Variants in POLE2 observed in about 807,000 individuals in gnomAD.
POLE2 encodes DNA polymerase epsilon 2, accessory subunit.
Under a neutral mutation model 79.4 loss-of-function variants are expected in POLE2, and 56 were observed. That is an observed-to-expected ratio of 0.71 (90% CI 0.57 to 0.88). POLE2 has a LOEUF of 0.88. Ranked by LOEUF, POLE2 falls within the 40% of genes least tolerant of loss-of-function variation. POLE2 has a pLI of 0.00. For missense variants in POLE2, 598 were observed against 638.9 expected, an observed-to-expected ratio of 0.94 and a Z score of 0.69; for synonymous variants, 212 against 214.0, an observed-to-expected ratio of 0.99 and a Z score of 0.08.
chr14:49,656,743 G>A (rs1265221726), intron 10 of POLE2, among the ~76,000 whole-genome samples: 2 of 152,138 alleles, frequency 1.3e-5, no homozygotes, highest in Non-Finnish European at 2.9e-5. Context: ...CCTCCTCTGA[G>A]GATCCCAAAA....
intron 6 of POLE2, among the ~76,000 whole-genome samples, chr14:49,668,502 T>C (rs1885651062): frequency 6.8e-6 from 1 of 146,642 alleles, no homozygotes; most frequent in African/African-American, 2.5e-5. Context: ...GAAGTAAAAA[T>C]AACAGTATTT....
At chr14:49,665,381 T>A (rs781535900) in intron 7 of POLE2, among the ~76,000 whole-genome samples, 47 of 152,194 alleles carry the variant, frequency 3.1e-4, no homozygotes, top group Non-Finnish European at 5.3e-4. Context: ...CAATGGAGAA[T>A]GACTCCTACA....
intron 2 of POLE2, among the ~76,000 whole-genome samples, chr14:49,681,610 C>T (rs1183891348): frequency 6.6e-6 from 1 of 152,002 alleles, no homozygotes; most frequent in East Asian, 1.9e-4. Context: ...CCTGTCTCTA[C>T]CAAAAATATA....
intron 16 of POLE2, 85 bp downstream of exon 16, chr14:49,651,184 C>G (rs1884197576): frequency 1.6e-6 from 1 of 633,814 alleles, no homozygotes; most frequent in Non-Finnish European, 2.9e-6. Context: ...ATGTCCTAAC[C>G]CAAGGACAAA....
rs1885343745 is a variant in POLE2 at position 49,664,614 on chromosome 14, ATACTGACT to A, written c.682+4_682+11del. ...ATGAGAAGAAGGACAGTAACAAAGT[ATACTGACT>A]TACCTTCTGCTAAGACAAAGCATGC... is the stretch of plus-strand genomic sequence containing the variant. On this transcript the variant is annotated splice_donor_5th_base_variant and intron_variant, in intron 9 of 18. Coordinates refer to ENST00000216367, the MANE Select transcript of POLE2 (RefSeq NM_002692.4). The A allele has an allele frequency of 3.9e-6, 6 of 1,535,378 alleles. No homozygotes were observed. The highest frequency in any genetic ancestry group is 5.4e-6 in the Non-Finnish European group (6 of 1,108,524).
At chr14:49,661,872 G>A (rs764089842) in intron 10 of POLE2, among the ~76,000 whole-genome samples, 8 of 152,090 alleles carry the variant, frequency 5.3e-5, no homozygotes, top group Non-Finnish European at 8.8e-5. Context: ...TAAGCAGTTG[G>A]ATTTAGAGAA....
intron 17 of POLE2, among the ~76,000 whole-genome samples, chr14:49,647,793 T>A (rs1221386325): frequency 6.6e-6 from 1 of 152,234 alleles, no homozygotes; most frequent in African/African-American, 2.4e-5. Context: ...TCCTGTTTTT[T>A]AAAAGTCCTT....
At chr14:49,677,634 C>A (rs918575572) in intron 3 of POLE2, 11 of 646,982 alleles carry the variant, frequency 1.7e-5, no homozygotes, top group African/African-American at 3.7e-5. Flanking sequence ...GATGTCTGGT[C>A]CCTGGGCTGT....
chr14:49,644,644 A>G (rs1400803526), intron 18 of POLE2, among the ~76,000 whole-genome samples: 4 of 152,172 alleles, frequency 2.6e-5, no homozygotes, highest in Non-Finnish European at 5.9e-5. Context: ...AATACATTAT[A>G]TTTACTTCTT....
In POLE2 at chr14:49,651,309, C is replaced by A; in HGVS notation, c.1280G>T (p.Cys427Phe). The change falls in exon 16 of 19, where the codon TGC becomes TTC. Residue 427 changes from cysteine (C) to phenylalanine (F), a missense_variant. Cys to Phe is a radical substitution (Grantham distance 205). Transcript: ENST00000216367. Reference protein sequence around the residue: ...EDLVNKMCRNCVRFPSSNLAI... With the variant: ...EDLVNKMCRNFVRFPSSNLAI... ...CAAATTGCTGCTAGGAAAACGGACGCAGTTTCTGCACATTTTATTTACTAA... is the reference window on the plus strand; with the variant it reads ...CAAATTGCTGCTAGGAAAACGGACGAAGTTTCTGCACATTTTATTTACTAA... 6.2e-7 allele frequency: 1 copy of A among 1,604,882 alleles called. No individual in the cohort carries two copies. The highest frequency in any genetic ancestry group is 8.5e-7 in the Non-Finnish European group (1 of 1,172,460).
intron 18 of POLE2, among the ~76,000 whole-genome samples, chr14:49,645,043 CAA>C (rs527251561): frequency 2.2e-4 from 19 of 88,264 alleles, no homozygotes; most frequent in Non-Finnish European, 1.9e-4. Flanking sequence ...CTCCGTCTCA[CAA>C]AAAAAAAAAA....
At chr14:49,685,342 T>C (rs1887050319) in intron 1 of POLE2, among the ~76,000 whole-genome samples, 1 of 152,238 alleles carries the variant, frequency 6.6e-6, no homozygotes, top group Admixed American at 6.5e-5. Flanking sequence ...CTTAGAACTC[T>C]GTGCCATCCT....
intron 5 of POLE2, among the ~76,000 whole-genome samples, chr14:49,669,916 C>T (rs1180396050): frequency 6.6e-6 from 1 of 152,166 alleles, no homozygotes; most frequent in Non-Finnish European, 1.5e-5. Context: ...CACCACACAA[C>T]AAAGTTCTGT....
rs747665307 is a variant in POLE2, at chr14:49,663,371, T to C, written c.699A>G (p.Gln233=). The C allele has an allele frequency of 6.8e-6, 11 of 1,610,114 alleles. No individual in the cohort carries two copies. In the East Asian group the frequency reaches 2.5e-4, roughly 36 times the overall value. The part of the protein sequence containing the change: ...FVLAEGWFED[Q]VFHVNAFGFP... ...ATCCAAAGGCATTGACATGAAACACTTGATCTTCAAACCAACCTGAAAAAA... is the reference window on the plus strand; with the variant it reads ...ATCCAAAGGCATTGACATGAAACACCTGATCTTCAAACCAACCTGAAAAAA... The change falls in exon 10 of 19, where the codon CAA becomes CAG. Residue 233 remains glutamine (Q), a synonymous_variant. Transcript: ENST00000216367.
Position 49,679,764 on chromosome 14 carries a change from G to T in POLE2, c.206C>A (p.Ala69Glu). Residue 69 changes from alanine (A) to glutamate (E), a missense_variant, in exon 3 of 19, where the codon GCA becomes GAA. Ala to Glu is a moderately radical substitution (Grantham distance 107, BLOSUM62 -1). Coordinates refer to ENST00000216367, the MANE Select transcript of POLE2 (RefSeq NM_002692.4). Reference sequence around the variant, plus strand: ...AGACTGACTGCATTCCTGGACTGCTGCTTCCACCACAGATCGTTCAATCAT... The same window carrying T: ...AGACTGACTGCATTCCTGGACTGCTTCTTCCACCACAGATCGTTCAATCAT... ...SNMIERSVVE[A>E]AVQECSQSVD... 1 of 1,606,866 alleles carries T rather than the reference G, an allele frequency of 6.2e-7. No individual in the cohort carries two copies. The highest frequency in any genetic ancestry group is 8.5e-7 in the Non-Finnish European group (1 of 1,173,866).
intron 5 of POLE2, among the ~76,000 whole-genome samples, chr14:49,670,206 C>T (rs1008825705): frequency 1.3e-5 from 2 of 150,564 alleles, no homozygotes; most frequent in Non-Finnish European, 2.9e-5. Context: ...ATCCCAGCTA[C>T]TCAGGAGGCT....
Position 49,678,647 on chromosome 14 carries a change from T to A in POLE2, c.245+1078A>T, listed in dbSNP as rs1886481747. Among the ~76,000 whole-genome samples the A allele has an allele frequency of 2.0e-5, 3 of 152,166 alleles. No individual in the cohort carries two copies. The South Asian group carries it at 6.2e-4, about 32-fold the overall frequency. ...ATGGCTTTAGGAACATTCATTATACTCCAGTATTTATTTTATGTATTTTTT... is the reference window on the plus strand; with the variant it reads ...ATGGCTTTAGGAACATTCATTATACACCAGTATTTATTTTATGTATTTTTT... On this transcript the variant is annotated intron_variant, in intron 3 of 18. Transcript: ENST00000216367.
At chr14:49,678,554 AAAC>A (rs1298254959) in intron 3 of POLE2, among the ~76,000 whole-genome samples, 1 of 152,222 alleles carries the variant, frequency 6.6e-6, no homozygotes, top group Non-Finnish European at 1.5e-5. Context: ...ACTTTAGGGT[AAAC>A]AACGAGTAAC....
chr14:49,672,980 C>A lies in POLE2; in HGVS notation c.417+1143G>T, dbSNP rs1027345627. On this transcript the variant is annotated intron_variant, in intron 5 of 18. Transcript: ENST00000216367. ...TTAACTCAAATGCTTAAAACAGAAC[C>A]TGCTATCACCTTCTACAACATTCTC... Among the ~76,000 whole-genome samples the A allele has an allele frequency of 2.0e-5, 3 of 152,162 alleles. No homozygotes were observed. The East Asian group carries it at 5.8e-4, about 29-fold the overall frequency.
Sources: gnomAD v4.1 joint callset for allele counts (sites outside exome capture counted in the v4.1 genomes callset) on GRCh38, gnomAD v4.1.1 for gene constraint, MANE v1.5 for transcripts, NCBI Gene and HGNC (gene_info 2026-07-23, HGNC 2026-07-21) for gene names.